Variants in DCC observed in about 807,000 individuals in gnomAD.
The protein encoded by DCC is netrin receptor DCC.
In DCC, 58 loss-of-function variants were observed where a neutral mutation model predicts 172.5. The ratio of observed to expected loss-of-function variants is 0.34; its 90% confidence interval spans 0.27 to 0.42. DCC has a LOEUF of 0.42. Ranked by LOEUF, DCC falls within the 10% of genes least tolerant of loss-of-function variation. DCC has a pLI of 1.00. For missense variants in DCC, 1,740 were observed against 1,791.0 expected (o/e 0.97, Z 0.51); for synonymous variants, 709 against 644.5 (o/e 1.10, Z -1.52).
intron 1 of DCC, among the ~76,000 whole-genome samples, chr18:52,496,867 T>A (rs1462059467): frequency 6.6e-6 from 1 of 152,092 alleles, no homozygotes; most frequent in East Asian, 1.9e-4. Context: ...ATTGTGCTTG[T>A]CCATATCATA....
intron 5 of DCC, among the ~76,000 whole-genome samples, chr18:53,040,309 A>C (rs1024248715): frequency 1.3e-5 from 2 of 151,992 alleles, no homozygotes; most frequent in African/African-American, 4.8e-5. Flanking sequence ...ACTAATCAAA[A>C]TGCCAAGTAA....
intron 5 of DCC, among the ~76,000 whole-genome samples, chr18:53,029,515 C>T (rs1380318492): frequency 6.6e-6 from 1 of 152,124 alleles, no homozygotes; most frequent in African/African-American, 2.4e-5. Context: ...ACTGGAAATG[C>T]CTGGTTTGTA....
intron 1 of DCC, among the ~76,000 whole-genome samples, chr18:52,478,830 G>A (rs1989171106): frequency 6.6e-6 from 1 of 152,128 alleles, no homozygotes; most frequent in Non-Finnish European, 1.5e-5. Context: ...CCACCCCCAT[G>A]ATCCAGTAAC....
Position 53,535,493 on chromosome 18 carries a change from T to G in DCC, c.*4840T>G, listed in dbSNP as rs2046565320. ...CTACTCATTCAAAGGGCTTTGCAAC[T>G]CAAACAGATTGTTAGTGTGCTAGTG... On this transcript the variant is annotated 3_prime_UTR_variant, in exon 29 of 29. Coordinates refer to ENST00000442544, the MANE Select transcript of DCC (RefSeq NM_005215.4). The G allele has an allele frequency of 6.6e-6, 1 of 152,236 alleles. No homozygotes were observed. The highest frequency in any genetic ancestry group is 6.5e-5 in the Admixed American group (1 of 15,290). 9.4% of individuals were successfully genotyped at this position (152,236 alleles called of 1,614,324 possible).
intron 15 of DCC, among the ~76,000 whole-genome samples, chr18:53,375,434 C>G (rs2058100227): frequency 6.6e-6 from 1 of 152,098 alleles, no homozygotes; most frequent in Admixed American, 6.6e-5. Context: ...TATGCTTCCT[C>G]TTTTTGTTCC....
At chr18:52,463,967 C>T (rs1311056626) in intron 1 of DCC, among the ~76,000 whole-genome samples, 1 of 152,174 alleles carries the variant, frequency 6.6e-6, no homozygotes, top group African/African-American at 2.4e-5. Flanking sequence ...TATAGCGTCC[C>T]TTCACAGTAG....
chr18:52,974,646 T>A (rs1353052472), intron 5 of DCC, among the ~76,000 whole-genome samples: 1 of 152,202 alleles, frequency 6.6e-6, no homozygotes, highest in Non-Finnish European at 1.5e-5. Flanking sequence ...TGAGCCCACG[T>A]TGTAAGGAGA....
intron 16 of DCC, among the ~76,000 whole-genome samples, chr18:53,387,504 C>A (rs1368114013): frequency 6.6e-6 from 1 of 152,146 alleles, no homozygotes; most frequent in Non-Finnish European, 1.5e-5. Context: ...TTCATGACTT[C>A]TCTAAAAGAG....
intron 14 of DCC, among the ~76,000 whole-genome samples, chr18:53,338,157 A>T (rs2057612983): frequency 2.0e-5 from 3 of 152,294 alleles, no homozygotes; most frequent in Admixed American, 2.0e-4. Context: ...TATTTACCAT[A>T]ATCTATCGTA....
chr18:53,206,297 A>G (rs1167127034), intron 10 of DCC, among the ~76,000 whole-genome samples: 2 of 131,408 alleles, frequency 1.5e-5, no homozygotes, highest in Admixed American at 1.7e-4. Context: ...ACATATATGT[A>G]TTGTAACACA....
chr18:52,517,564 T>A (rs961785598), intron 1 of DCC, among the ~76,000 whole-genome samples: 27 of 152,206 alleles, frequency 1.8e-4, no homozygotes, highest in African/African-American at 5.5e-4. Flanking sequence ...ACTCCTTAGG[T>A]CCAATTTATC....
At chr18:52,416,528 C>G (rs1379436947) in intron 1 of DCC, among the ~76,000 whole-genome samples, 1 of 150,146 alleles carries the variant, frequency 6.7e-6, no homozygotes. Context: ...GTAGGTCACT[C>G]AGGACTTGCT....
intron 1 of DCC, among the ~76,000 whole-genome samples, chr18:52,673,535 T>G (rs2035592429): frequency 6.6e-6 from 1 of 152,208 alleles, no homozygotes; most frequent in Non-Finnish European, 1.5e-5. Context: ...GTCGCATGGT[T>G]TGTCACTAGT....
At chr18:52,974,702 G>A (rs1458142973) in intron 5 of DCC, among the ~76,000 whole-genome samples, 4 of 152,158 alleles carry the variant, frequency 2.6e-5, no homozygotes, top group Non-Finnish European at 5.9e-5. Flanking sequence ...CACTTGCAAT[G>A]TAGACAGCTA....
At chr18:52,476,029 A>T (rs1482824537) in intron 1 of DCC, among the ~76,000 whole-genome samples, 8 of 152,188 alleles carry the variant, frequency 5.3e-5, no homozygotes, top group Non-Finnish European at 2.9e-5. Flanking sequence ...CCATCTTCAA[A>T]CATTTGAATC....
At chr18:53,367,186 G>A (rs1183622405) in intron 15 of DCC, among the ~76,000 whole-genome samples, 1 of 151,836 alleles carries the variant, frequency 6.6e-6, no homozygotes, top group African/African-American at 2.4e-5. Flanking sequence ...CTCTAATTAT[G>A]TATCTTCCCC....
chr18:52,583,908 A>C (rs2033613732), intron 1 of DCC, among the ~76,000 whole-genome samples: 1 of 151,784 alleles, frequency 6.6e-6, no homozygotes, highest in African/African-American at 2.4e-5. Flanking sequence ...CTTTTCTTTC[A>C]CTCCCTCTCA....
chr18:52,859,248 A>T (rs949286067), intron 2 of DCC, among the ~76,000 whole-genome samples: 2 of 152,306 alleles, frequency 1.3e-5, no homozygotes, highest in Admixed American at 1.3e-4. Context: ...CTGTTATCTG[A>T]TGCTTTGTTG....
At chr18:53,184,567 G>A (rs886945195) in intron 9 of DCC, among the ~76,000 whole-genome samples, 8 of 152,000 alleles carry the variant, frequency 5.3e-5, no homozygotes, top group African/African-American at 1.7e-4. Flanking sequence ...AGCATGTGAC[G>A]GTACTGAATA....
Sources: allele counts gnomAD v4.1 joint callset (sites outside exome capture counted in the v4.1 genomes callset), GRCh38; gene constraint gnomAD v4.1.1; transcripts MANE v1.5; gene names NCBI Gene and HGNC (gene_info 2026-07-23, HGNC 2026-07-21).